JAK1: variants seen among roughly 807,000 people sequenced by gnomAD.
JAK1 encodes the protein tyrosine-protein kinase JAK1.
Under a neutral mutation model 136.6 loss-of-function variants are expected in JAK1, and 16 were observed. The observed-to-expected ratio is 0.12, with a 90% CI of 0.08 to 0.18. The LOEUF (loss-of-function observed/expected upper bound fraction) is 0.18. JAK1 is among the 10% of genes least tolerant of loss of function. The probability of loss-of-function intolerance (pLI) is 1.00; values close to 1 mark genes in which losing one functional copy is unlikely to be tolerated. For missense variants in JAK1, 859 were observed against 1,450.1 expected, an observed-to-expected ratio of 0.59 and a Z score of 6.62; for synonymous variants, 492 against 519.5, an observed-to-expected ratio of 0.95 and a Z score of 0.72.
intron 11 of JAK1, 84 bp downstream of exon 11, chr1:64,855,425 A>C: frequency 7.7e-7 from 1 of 1,300,194 alleles, no homozygotes; most frequent in Middle Eastern, 2.5e-4. Flanking sequence ...CACTTTGTTT[A>C]AGTCAGTCAG....
intron 2 of JAK1, among the ~76,000 whole-genome samples, chr1:64,989,219 G>A (rs1039882439): frequency 1.3e-5 from 2 of 149,964 alleles, no homozygotes; most frequent in Non-Finnish European, 3.0e-5. Context: ...CAGCTACTCC[G>A]GAGGCTGAGG....
chr1:64,901,203 T>G (rs1179220157), intron 1 of JAK1, among the ~76,000 whole-genome samples: 1 of 152,152 alleles, frequency 6.6e-6, no homozygotes, highest in Non-Finnish European at 1.5e-5. Flanking sequence ...TTTAAACATT[T>G]CCTTCCCCAG....
At chr1:64,912,684 T>C (rs1034535133) in intron 1 of JAK1, among the ~76,000 whole-genome samples, 4 of 152,318 alleles carry the variant, frequency 2.6e-5, no homozygotes, top group South Asian at 2.1e-4. Context: ...CGGGAGAACT[T>C]TGCCAAGGTC....
At chr1:65,028,622 C>G (rs1646998110) in intron 2 of JAK1, among the ~76,000 whole-genome samples, 1 of 152,126 alleles carries the variant, frequency 6.6e-6, no homozygotes, top group Non-Finnish European at 1.5e-5. Context: ...TTGAAGAGAG[C>G]AATTAAGTCA....
intron 1 of JAK1, among the ~76,000 whole-genome samples, chr1:64,903,104 G>A (rs1334447365): frequency 6.6e-6 from 1 of 152,148 alleles, no homozygotes; most frequent in African/African-American, 2.4e-5. Flanking sequence ...TCAGCTCACT[G>A]CAACCTCCAC....
intron 20 of JAK1, among the ~76,000 whole-genome samples, chr1:64,839,248 T>C (rs1306803243): frequency 1.3e-5 from 2 of 152,094 alleles, no homozygotes; most frequent in East Asian, 3.9e-4. Flanking sequence ...TAAATATTAC[T>C]TGCCACTTTG....
chr1:64,845,478 T>G, intron 15 of JAK1, 35 bp downstream of exon 15: 1 of 1,613,534 alleles, frequency 6.2e-7, no homozygotes, highest in Non-Finnish European at 8.5e-7. Flanking sequence ...CTCTGGTTTC[T>G]GGTGGGACCA....
rs1443081706 is a variant in JAK1 at position 64,984,394 on chromosome 1, G to A, written c.-78+60086C>T. Among the ~76,000 whole-genome samples the A allele has an allele frequency of 6.6e-6, 1 of 152,174 alleles. No individual in the cohort carries two copies. The highest frequency in any genetic ancestry group is 1.5e-5 in the Non-Finnish European group (1 of 68,022). On this transcript the variant is annotated intron_variant, in intron 2 of 25. Transcript: ENST00000671954. The surrounding 1 kb of genome is among the most constrained non-coding windows in gnomAD (Gnocchi z 4.1). ...CAATCCCTCCTGAAATGAAGGGTAG[G>A]TTCACTTGGTCTCTCCTACGCAGAA...
At chr1:64,942,276 A>G (rs1479151011) in intron 1 of JAK1, 1 of 152,208 alleles carries the variant, frequency 6.6e-6, no homozygotes, top group Non-Finnish European at 1.5e-5. Context: ...AGTACTATGC[A>G]GAGACAATCT....
intron 2 of JAK1, among the ~76,000 whole-genome samples, chr1:64,978,562 T>C (rs1338405315): frequency 6.6e-6 from 1 of 152,170 alleles, no homozygotes; most frequent in African/African-American, 2.4e-5. Context: ...AACACTCTTT[T>C]ATGGGGTTTT....
chr1:64,997,948 CT>C (rs1242230360), intron 2 of JAK1, among the ~76,000 whole-genome samples: 1 of 152,168 alleles, frequency 6.6e-6, no homozygotes, highest in Non-Finnish European at 1.5e-5. Context: ...AAATAAAAGC[CT>C]GTAAATATGG....
At chr1:64,839,565 C>T (rs2100958716) in intron 20 of JAK1, 38 bp downstream of exon 20, 2 of 1,592,500 alleles carry the variant, frequency 1.3e-6, no homozygotes, top group Non-Finnish European at 1.7e-6. Flanking sequence ...AGACAGTCAC[C>T]AAATCTTTAA....
intron 3 of JAK1, among the ~76,000 whole-genome samples, chr1:64,882,031 G>C (rs1187180715): frequency 6.6e-6 from 1 of 152,176 alleles, no homozygotes; most frequent in Non-Finnish European, 1.5e-5. Context: ...TCTAAAGATG[G>C]TTATTTGTAC....
At chr1:64,854,823 C>G (rs1451963934) in intron 11 of JAK1, among the ~76,000 whole-genome samples, 1 of 152,102 alleles carries the variant, frequency 6.6e-6, no homozygotes, top group Non-Finnish European at 1.5e-5. Flanking sequence ...CACCTTCCTT[C>G]CACCTTCACC....
intron 1 of JAK1, among the ~76,000 whole-genome samples, chr1:64,955,061 T>G (rs116491771): frequency 2.0e-5 from 3 of 152,196 alleles, no homozygotes; most frequent in South Asian, 2.1e-4. Flanking sequence ...AGGATGTAAT[T>G]TGACCGAATT....
intron 2 of JAK1, among the ~76,000 whole-genome samples, chr1:65,031,488 T>G (rs980143949): frequency 6.6e-6 from 1 of 152,128 alleles, no homozygotes; most frequent in Admixed American, 6.5e-5. Flanking sequence ...TTAAAGAAGA[T>G]TACAGAGATG....
chr1:65,035,806 C>A (rs1029327270), intron 2 of JAK1, among the ~76,000 whole-genome samples: 1 of 152,124 alleles, frequency 6.6e-6, no homozygotes, highest in Non-Finnish European at 1.5e-5. Flanking sequence ...CGGTGGTTCA[C>A]GCCTGTAATC....
chr1:65,032,807 T>C (rs1395591634), intron 2 of JAK1, among the ~76,000 whole-genome samples: 1 of 152,214 alleles, frequency 6.6e-6, no homozygotes, highest in Non-Finnish European at 1.5e-5. Flanking sequence ...ACCAGTGTTA[T>C]GGGGCACCTA....
chr1:64,943,548 C>A (rs146510548), intron 1 of JAK1, among the ~76,000 whole-genome samples: 4 of 151,940 alleles, frequency 2.6e-5, no homozygotes, highest in Non-Finnish European at 1.5e-5. Context: ...AATTAGAATC[C>A]CTCTTACATC....
Sources: gnomAD v4.1 joint callset for allele counts (sites outside exome capture counted in the v4.1 genomes callset) on GRCh38, gnomAD v4.1.1 for gene constraint, Gnocchi (gnomAD v3.1) non-coding constraint, MANE v1.5 for transcripts, NCBI Gene and HGNC (gene_info 2026-07-23, HGNC 2026-07-21) for gene names.